Variants in PPP1R1C observed in about 807,000 individuals in gnomAD.
PPP1R1C encodes the protein protein phosphatase 1 regulatory subunit 1C.
PPP1R1C carries 15 observed loss-of-function variants against 17.4 expected under a neutral mutation model. The observed-to-expected ratio is 0.86, with a 90% CI of 0.58 to 1.33. The LOEUF (loss-of-function observed/expected upper bound fraction) is 1.33. Among genes scored for constraint, PPP1R1C ranks in the 40% most tolerant of loss-of-function variants. PPP1R1C has a pLI of 0.00. For missense variants in PPP1R1C, 143 were observed against 130.0 expected (o/e 1.10, Z -0.48); for synonymous variants, 35 against 43.1 (o/e 0.81, Z 0.73).
chr2:182,027,242 A>C lies in PPP1R1C; in HGVS notation c.143-34200A>C, dbSNP rs1201701465. On this transcript the variant is annotated intron_variant, in intron 2 of 4. Transcript: ENST00000682840. ...AATTGCCCTGGCCAGAACTTCCAAC[A>C]CTATGTTGAATAGGAGTGGTGAGAG... Among the ~76,000 whole-genome samples the C allele has an allele frequency of 3.1e-3, 366 of 117,214 alleles. 8 individuals carry two copies. The highest frequency in any genetic ancestry group is 0.012 in the African/African-American group (353 of 28,524). 76.9% of individuals were successfully genotyped at this position (117,214 alleles called of 152,430 possible).
intron 2 of PPP1R1C, among the ~76,000 whole-genome samples, chr2:181,995,820 T>C (rs982429570): frequency 1.3e-5 from 2 of 151,982 alleles, no homozygotes; most frequent in Non-Finnish European, 2.9e-5. Flanking sequence ...TTTTCTCTCA[T>C]CATTTTCTAG....
intron 5 of PPP1R1C, among the ~76,000 whole-genome samples, chr2:182,126,151 C>CAT: frequency 6.6e-6 from 1 of 151,784 alleles, no homozygotes; most frequent in East Asian, 1.9e-4. Context: ...ATAAATAAAC[C>CAT]ATATATATTG....
chr2:182,082,002 G>T (rs142712747), intron 4 of PPP1R1C, among the ~76,000 whole-genome samples: 3 of 152,054 alleles, frequency 2.0e-5, no homozygotes, highest in East Asian at 1.9e-4. Flanking sequence ...TTAAAAAAAG[G>T]TCTTTTTTAT....
At chr2:182,093,980 G>A (rs566964919) in intron 4 of PPP1R1C, among the ~76,000 whole-genome samples, 206 of 152,232 alleles carry the variant, frequency 1.4e-3, no homozygotes, top group African/African-American at 4.8e-3. Flanking sequence ...CTGTTTAGCG[G>A]TGCACCACTC....
At chr2:182,130,993 AG>A (rs1689994644), downstream of PPP1R1C, 1 of 152,242 alleles carries the variant, frequency 6.6e-6, no homozygotes, top group African/African-American at 2.4e-5. Flanking sequence ...GGAACTGGTT[AG>A]TACCTAAATA....
At chr2:182,107,127 C>G (rs1246544179) in intron 4 of PPP1R1C, among the ~76,000 whole-genome samples, 2 of 152,162 alleles carry the variant, frequency 1.3e-5, no homozygotes, top group Non-Finnish European at 2.9e-5. Context: ...GTGGGCTTTC[C>G]TTAAATTCTT....
intron 2 of PPP1R1C, among the ~76,000 whole-genome samples, chr2:182,034,397 G>C (rs561621322): frequency 6.6e-6 from 1 of 151,998 alleles, no homozygotes; most frequent in Non-Finnish European, 1.5e-5. Context: ...AAGAGATAGA[G>C]TGTATATTTT....
intron 2 of PPP1R1C, among the ~76,000 whole-genome samples, chr2:182,024,714 G>A (rs962258900): frequency 4.0e-5 from 6 of 151,824 alleles, no homozygotes; most frequent in African/African-American, 1.5e-4. Flanking sequence ...AATTAGCCAG[G>A]CATGGCAGCA....
Position 181,972,444 on chromosome 2 carries a change from C to T in PPP1R1C, n.112-2775C>T, listed in dbSNP as rs1043974248. Among the ~76,000 whole-genome samples the T allele has an allele frequency of 3.3e-5, 5 of 151,870 alleles. 1 individual carries two copies. In the East Asian group the frequency reaches 5.8e-4, roughly 18 times the overall value. On this transcript the variant is annotated intron_variant and non_coding_transcript_variant, in intron 1 of 5. Coordinates refer to the PPP1R1C transcript ENST00000464264. The stretch of plus-strand genomic sequence containing the variant: ...TTTGGAGGTGTATGTGGACAATAAA[C>T]GTGTATTCATCCATTATATAAATTA...
At chr2:181,990,187 T>G (rs1220305442) in intron 2 of PPP1R1C, among the ~76,000 whole-genome samples, 4 of 151,880 alleles carry the variant, frequency 2.6e-5, no homozygotes, top group East Asian at 1.9e-4. Flanking sequence ...CGCCCAGGCT[T>G]GAGTGCAGTG....
At chr2:181,978,268 G>A (rs1445976614) in intron 2 of PPP1R1C, among the ~76,000 whole-genome samples, 1 of 152,132 alleles carries the variant, frequency 6.6e-6, no homozygotes, top group African/African-American at 2.4e-5. Context: ...GATTTGGTGG[G>A]GACACAGTCA....
chr2:182,049,251 G>A (rs1687435778), intron 2 of PPP1R1C, among the ~76,000 whole-genome samples: 1 of 150,208 alleles, frequency 6.7e-6, no homozygotes, highest in African/African-American at 2.5e-5. Flanking sequence ...AATCACTTGA[G>A]CCTGGGAAGT....
chr2:181,999,394 AG>A (rs2125148051), intron 2 of PPP1R1C, among the ~76,000 whole-genome samples: 1 of 152,292 alleles, frequency 6.6e-6, no homozygotes, highest in South Asian at 2.1e-4. Flanking sequence ...TTACAGAGAG[AG>A]GGTGATGGGT....
chr2:182,023,704 T>A (rs1686503887), intron 2 of PPP1R1C: 1 of 152,150 alleles, frequency 6.6e-6, no homozygotes, highest in South Asian at 2.1e-4. Context: ...CACTGCAGCC[T>A]TGGTCTCCTG....
chr2:182,070,634 C>T (rs867287405), intron 4 of PPP1R1C, among the ~76,000 whole-genome samples: 2 of 152,096 alleles, frequency 1.3e-5, no homozygotes, highest in Non-Finnish European at 2.9e-5. Context: ...TTATTTATGT[C>T]TCATGTTAGT....
chr2:182,033,535 T>C (rs1686908622), intron 2 of PPP1R1C, among the ~76,000 whole-genome samples: 1 of 152,152 alleles, frequency 6.6e-6, no homozygotes, highest in Non-Finnish European at 1.5e-5. Context: ...TAATAATCAA[T>C]TTTTGCCCAT....
chr2:182,040,265 C>T (rs569037134), intron 2 of PPP1R1C, among the ~76,000 whole-genome samples: 2 of 152,320 alleles, frequency 1.3e-5, no homozygotes, highest in Admixed American at 1.3e-4. Context: ...TTTACATCCC[C>T]ACCAGCAGTT....
Position 181,962,869 on chromosome 2 carries a change from T to A in PPP1R1C, n.111+8235T>A, listed in dbSNP as rs1684828428. On this transcript the variant is annotated intron_variant and non_coding_transcript_variant, in intron 1 of 5. Coordinates refer to the PPP1R1C transcript ENST00000464264. The surrounding 1 kb of genome is among the most constrained non-coding windows in gnomAD (Gnocchi z 6.0). ...CAGGGGAAGGAAGGAGAATCACTGA[T>A]TCCCTTTGTCTGCAGGACACATTTG... Among the ~76,000 whole-genome samples the A allele has an allele frequency of 6.6e-6, 1 of 152,156 alleles. No homozygotes were observed. Among genetic ancestry groups the A allele is most frequent in the South Asian group, 2.1e-4 (1 of 4,830 alleles).
chr2:181,973,554 G>A (rs1685047934), intron 1 of PPP1R1C, among the ~76,000 whole-genome samples: 1 of 152,190 alleles, frequency 6.6e-6, no homozygotes, highest in Non-Finnish European at 1.5e-5. Context: ...AAGCAAGACA[G>A]GAGAGAGCTA....
Sources: gnomAD v4.1 joint callset for allele counts (sites outside exome capture counted in the v4.1 genomes callset) on GRCh38, gnomAD v4.1.1 for gene constraint, Gnocchi (gnomAD v3.1) non-coding constraint, MANE v1.5 for transcripts, NCBI Gene and HGNC (gene_info 2026-07-23, HGNC 2026-07-21) for gene names.